Variants in PRKCE observed in about 807,000 individuals in gnomAD.
PRKCE encodes protein kinase C epsilon type.
Under a neutral mutation model 85.4 loss-of-function variants are expected in PRKCE, and 16 were observed. That is an observed-to-expected ratio of 0.19 (90% CI 0.13 to 0.28). The LOEUF (loss-of-function observed/expected upper bound fraction) is 0.28, where lower values mean the gene tolerates loss of function less well. PRKCE is among the 10% of genes least tolerant of loss of function. The pLI, the probability that PRKCE is intolerant of heterozygous loss-of-function variation, is 1.00. For synonymous variants in PRKCE, 388 were observed against 371.5 expected (o/e 1.04, Z -0.51); for missense variants, 573 against 975.2 (o/e 0.59, Z 5.49).
chr2:46,177,748 TCATAA>T (rs1679562951), intron 14 of PRKCE, among the ~76,000 whole-genome samples: 2 of 152,242 alleles, frequency 1.3e-5, no homozygotes, highest in African/African-American at 2.4e-5. Context: ...ACAATTCAAC[TCATAA>T]CATGGTAAAA....
intron 6 of PRKCE, among the ~76,000 whole-genome samples, chr2:45,985,031 G>C (rs557938797): frequency 8.5e-5 from 13 of 152,320 alleles, no homozygotes; most frequent in African/African-American, 2.6e-4. Flanking sequence ...GGCCATGAAG[G>C]AAGTGAGAGG....
At chr2:46,075,325 C>G (rs1321104648) in intron 10 of PRKCE, among the ~76,000 whole-genome samples, 1 of 152,042 alleles carries the variant, frequency 6.6e-6, no homozygotes, top group Non-Finnish European at 1.5e-5. Flanking sequence ...CGTGAGCCAC[C>G]GTGCCCGGCC....
At chr2:45,708,830 G>C (rs1241575084) in intron 1 of PRKCE, among the ~76,000 whole-genome samples, 3 of 152,154 alleles carry the variant, frequency 2.0e-5, no homozygotes, top group African/African-American at 7.2e-5. Context: ...TGTTGGCTTA[G>C]AGCAGCCAGT....
chr2:45,841,960 A>T (rs1468617027), intron 1 of PRKCE, among the ~76,000 whole-genome samples: 1 of 152,202 alleles, frequency 6.6e-6, no homozygotes, highest in East Asian at 1.9e-4. Context: ...CTTGTTGGGG[A>T]GAGAGCCTGG....
intron 1 of PRKCE, among the ~76,000 whole-genome samples, chr2:45,829,746 G>A (rs1043556816): frequency 1.3e-5 from 2 of 152,176 alleles, no homozygotes; most frequent in African/African-American, 4.8e-5. Context: ...GCTCCCCACT[G>A]TCACTATGGA....
intron 1 of PRKCE, among the ~76,000 whole-genome samples, chr2:45,719,565 T>A (rs974554766): frequency 2.0e-5 from 3 of 152,126 alleles, no homozygotes; most frequent in African/African-American, 7.2e-5. Context: ...GGATAGTGGG[T>A]CACATCTGAA....
At chr2:46,144,203 A>G (rs1451690093) in intron 11 of PRKCE, among the ~76,000 whole-genome samples, 2 of 152,172 alleles carry the variant, frequency 1.3e-5, no homozygotes, top group Admixed American at 1.3e-4. Flanking sequence ...CTTGCTGCAC[A>G]GAACCACGTG....
intron 2 of PRKCE, among the ~76,000 whole-genome samples, chr2:45,968,776 G>A (rs889068468): frequency 6.6e-6 from 1 of 152,114 alleles, no homozygotes; most frequent in Non-Finnish European, 1.5e-5. Flanking sequence ...GGGAGGAGAC[G>A]TGGTGGGTAA....
intron 2 of PRKCE, among the ~76,000 whole-genome samples, chr2:45,901,071 T>G (rs1696544702): frequency 6.6e-6 from 1 of 152,214 alleles, no homozygotes; most frequent in Admixed American, 6.5e-5. Flanking sequence ...TCTGATGAAT[T>G]GACATTTGGG....
intron 2 of PRKCE, chr2:45,845,480 T>C (rs1691709442): frequency 6.6e-6 from 1 of 151,862 alleles, no homozygotes; most frequent in Non-Finnish European, 1.5e-5. Context: ...TATTCTGCCA[T>C]CAAGCATCCC....
intron 2 of PRKCE, among the ~76,000 whole-genome samples, chr2:45,955,980 C>T (rs913463476): frequency 2.0e-5 from 3 of 152,226 alleles, no homozygotes; most frequent in Non-Finnish European, 4.4e-5. Context: ...TTTGCTCACC[C>T]TCAGCCCCGG....
At position 45,817,475 on chromosome 2, in the gene PRKCE, C is replaced by T. The variant is rs185766558; in HGVS notation, c.349-25525C>T. Among the ~76,000 whole-genome samples, 21 of 152,146 alleles carry T rather than the reference C, an allele frequency of 1.4e-4. No homozygotes were observed. In the East Asian group the frequency reaches 1.9e-3, roughly 14 times the overall value. ...TTGGGAGGCTGAGGAGGGCGAATCA[C>T]GAGGTCAGGAGATCGAGACCATCCT... On this transcript the variant is annotated intron_variant, in intron 1 of 14. Coordinates refer to ENST00000306156, the MANE Select transcript of PRKCE (RefSeq NM_005400.3).
At chr2:45,782,380 C>T (rs945736821) in intron 1 of PRKCE, among the ~76,000 whole-genome samples, 1 of 152,134 alleles carries the variant, frequency 6.6e-6, no homozygotes, top group African/African-American at 2.4e-5. Flanking sequence ...ACTTGATTAG[C>T]GAGGTGGTGT....
At chr2:45,655,693 C>T (rs1675344038) in intron 1 of PRKCE, among the ~76,000 whole-genome samples, 2 of 151,696 alleles carry the variant, frequency 1.3e-5, no homozygotes, top group Non-Finnish European at 1.5e-5. Flanking sequence ...AAATCTGGAC[C>T]TGCGGTGTGG....
At chr2:45,736,592 C>G (rs1389500594) in intron 1 of PRKCE, among the ~76,000 whole-genome samples, 2 of 152,214 alleles carry the variant, frequency 1.3e-5, no homozygotes, top group Non-Finnish European at 1.5e-5. Context: ...CTGACACTGC[C>G]TGCCTCTCCA....
chr2:45,803,412 C>A (rs1688018346), intron 1 of PRKCE, among the ~76,000 whole-genome samples: 1 of 152,154 alleles, frequency 6.6e-6, no homozygotes, highest in Non-Finnish European at 1.5e-5. Context: ...GTGTTTATTC[C>A]CCACTGGAAT....
intron 10 of PRKCE, among the ~76,000 whole-genome samples, chr2:46,024,849 C>A (rs974776257): frequency 1.3e-5 from 2 of 152,086 alleles, no homozygotes; most frequent in African/African-American, 4.8e-5. Flanking sequence ...TGAAAACTTT[C>A]TAGATTCACC....
chr2:46,146,501 G>A (rs1263226618), intron 12 of PRKCE, among the ~76,000 whole-genome samples: 3 of 152,216 alleles, frequency 2.0e-5, no homozygotes, highest in African/African-American at 7.2e-5. Flanking sequence ...AAAGAAGATG[G>A]TATCCTCAGG....
chr2:46,178,869 T>C (rs550723018), intron 14 of PRKCE, among the ~76,000 whole-genome samples: 1 of 152,262 alleles, frequency 6.6e-6, no homozygotes, highest in Non-Finnish European at 1.5e-5. Context: ...AGGGGCTAAA[T>C]GCATGATCCA....
Sources: allele counts gnomAD v4.1 joint callset (sites outside exome capture counted in the v4.1 genomes callset), GRCh38; gene constraint gnomAD v4.1.1; transcripts MANE v1.5; gene names NCBI Gene and HGNC (gene_info 2026-07-23, HGNC 2026-07-21).